ZNF423: variants seen among roughly 807,000 people sequenced by gnomAD.
The protein encoded by ZNF423 is zinc finger protein 423.
ZNF423 carries 12 observed loss-of-function variants against 95.8 expected under a neutral mutation model. That is an observed-to-expected ratio of 0.13 (90% confidence interval 0.08 to 0.20). ZNF423 has a LOEUF of 0.20. Among genes scored for constraint, ZNF423 ranks in the 10% least tolerant of loss-of-function variants. ZNF423 has a pLI of 1.00. For synonymous variants in ZNF423, 749 were observed against 711.9 expected, an observed-to-expected ratio of 1.05 and a Z score of -0.83; for missense variants, 1,316 against 1,737.1, an observed-to-expected ratio of 0.76 and a Z score of 4.31.
At position 49,677,893 on chromosome 16, in the gene ZNF423, C is replaced by T. The variant is rs544701583; in HGVS notation, c.302-39019G>A. Among the ~76,000 whole-genome samples the T allele has an allele frequency of 3.9e-5, 6 of 152,140 alleles. No homozygotes were observed. In the East Asian group the frequency reaches 9.7e-4, roughly 25 times the overall value. On this transcript the variant is annotated intron_variant, in intron 3 of 7. Coordinates refer to ENST00000563137, the MANE Select transcript of ZNF423 (RefSeq NM_001379286.1). Reference sequence around the variant, plus strand: ...TGTTAAGAATGAAATGAAAATATGACATTTTTTGGCCAGGCGCAGTGGCTC... The same window carrying T: ...TGTTAAGAATGAAATGAAAATATGATATTTTTTGGCCAGGCGCAGTGGCTC...
intron 2 of ZNF423, among the ~76,000 whole-genome samples, chr16:49,750,648 G>A (rs2033617355): frequency 6.6e-6 from 1 of 152,262 alleles, no homozygotes; most frequent in Non-Finnish European, 1.5e-5. Context: ...GCAAAACCGG[G>A]AATGAGGTGG....
At chr16:49,845,960 G>T (rs961674912) in intron 1 of ZNF423, among the ~76,000 whole-genome samples, 1 of 152,100 alleles carries the variant, frequency 6.6e-6, no homozygotes, top group Non-Finnish European at 1.5e-5. Context: ...GAGGGACTGG[G>T]GATTTGAGCT....
At chr16:49,530,015 C>T (rs1483867191) in intron 5 of ZNF423, among the ~76,000 whole-genome samples, 3 of 152,128 alleles carry the variant, frequency 2.0e-5, no homozygotes, top group Non-Finnish European at 4.4e-5. Flanking sequence ...TAGCCACCTA[C>T]ATCCAGGATG....
At chr16:49,554,608 T>C (rs1969759605) in intron 5 of ZNF423, among the ~76,000 whole-genome samples, 1 of 151,950 alleles carries the variant, frequency 6.6e-6, no homozygotes, top group Non-Finnish European at 1.5e-5. Flanking sequence ...ATTACATTAA[T>C]AGGCCCCTAT....
intron 5 of ZNF423, among the ~76,000 whole-genome samples, chr16:49,619,841 T>C (rs1414409680): frequency 6.6e-6 from 1 of 152,288 alleles, no homozygotes; most frequent in African/African-American, 2.4e-5. Flanking sequence ...TCTTTTCATG[T>C]TCATGAGATT....
chr16:49,497,692 C>T (rs1469761192), intron 7 of ZNF423, among the ~76,000 whole-genome samples: 1 of 152,220 alleles, frequency 6.6e-6, no homozygotes, highest in Non-Finnish European at 1.5e-5. Context: ...GTGGCTCTCA[C>T]AAGGCTGGCT....
At chr16:49,592,596 G>A (rs538806577) in intron 5 of ZNF423, among the ~76,000 whole-genome samples, 3 of 152,352 alleles carry the variant, frequency 2.0e-5, no homozygotes, top group South Asian at 2.1e-4. Flanking sequence ...GAACCAAAAC[G>A]TGAATAAGAC....
intron 1 of ZNF423, among the ~76,000 whole-genome samples, chr16:49,812,396 A>G (rs940785823): frequency 6.6e-6 from 1 of 152,178 alleles, no homozygotes; most frequent in Non-Finnish European, 1.5e-5. Context: ...GCTACTGATA[A>G]AGGCTGGGAT....
chr16:49,642,773 G>A (rs1364686743), intron 3 of ZNF423, among the ~76,000 whole-genome samples: 1 of 151,840 alleles, frequency 6.6e-6, no homozygotes, highest in Non-Finnish European at 1.5e-5. Flanking sequence ...ATCTACAGGG[G>A]CGTCAGCAGA....
At chr16:49,774,322 G>A (rs896542648) in intron 2 of ZNF423, among the ~76,000 whole-genome samples, 1 of 152,104 alleles carries the variant, frequency 6.6e-6, no homozygotes, top group Non-Finnish European at 1.5e-5. Flanking sequence ...GCTCACCATG[G>A]AAACTCCACA....
chr16:49,660,849 G>A (rs905924804), intron 3 of ZNF423, among the ~76,000 whole-genome samples: 1 of 151,932 alleles, frequency 6.6e-6, no homozygotes, highest in African/African-American at 2.4e-5. Context: ...GATGGGGGGG[G>A]AGCTTACTTA....
intron 1 of ZNF423, among the ~76,000 whole-genome samples, chr16:49,799,036 G>A (rs1330833799): frequency 6.6e-6 from 1 of 152,184 alleles, no homozygotes; most frequent in East Asian, 1.9e-4. Context: ...GTAGAGGAGG[G>A]AACCTGGAGA....
chr16:49,595,911 T>C (rs1477905111), intron 5 of ZNF423, among the ~76,000 whole-genome samples: 2 of 152,226 alleles, frequency 1.3e-5, no homozygotes, highest in Admixed American at 6.5e-5. Flanking sequence ...CTATTTTACA[T>C]TAGCGCTCAA....
chr16:49,513,079 C>A (rs762619976), intron 7 of ZNF423, among the ~76,000 whole-genome samples: 1 of 152,132 alleles, frequency 6.6e-6, no homozygotes, highest in African/African-American at 2.4e-5. Context: ...GACTGGGTGA[C>A]CGAGTGAGAC....
chr16:49,666,632 C>A (rs559243302), intron 3 of ZNF423, among the ~76,000 whole-genome samples: 1 of 152,288 alleles, frequency 6.6e-6, no homozygotes, highest in African/African-American at 2.4e-5. Flanking sequence ...TTATATACAC[C>A]ACACACAAGT....
rs544118902 is a variant in ZNF423 at position 49,671,367 on chromosome 16, T to C, written c.302-32493A>G. Among the ~76,000 whole-genome samples the C allele has an allele frequency of 9.8e-5, 15 of 152,338 alleles. No individual in the cohort carries two copies. In the South Asian group the frequency reaches 3.1e-3, roughly 32 times the overall value. ...CAGACAAACCATAGGCCCTGGGTCC[T>C]GTAGCCCACCCTAGGACCAAGCCCG... On this transcript the variant is annotated intron_variant, in intron 3 of 7. Coordinates refer to ENST00000563137, the MANE Select transcript of ZNF423 (RefSeq NM_001379286.1).
chr16:49,683,173 A>G (rs1312113699), intron 3 of ZNF423, among the ~76,000 whole-genome samples: 1 of 152,046 alleles, frequency 6.6e-6, no homozygotes, highest in East Asian at 1.9e-4. Context: ...CTATTCACTC[A>G]ACAAATACTC....
chr16:49,746,059 G>A (rs1435666279), intron 2 of ZNF423, among the ~76,000 whole-genome samples: 1 of 152,108 alleles, frequency 6.6e-6, no homozygotes, highest in African/African-American at 2.4e-5. Flanking sequence ...CCTAACTCTT[G>A]GCATGACCTC....
chr16:49,724,482 C>A (rs1023500359), intron 3 of ZNF423, among the ~76,000 whole-genome samples: 4 of 152,240 alleles, frequency 2.6e-5, no homozygotes, highest in Non-Finnish European at 4.4e-5. Context: ...GTGTCTGGCA[C>A]TGGCCCCAGC....
Sources: gnomAD v4.1 joint callset for allele counts (sites outside exome capture counted in the v4.1 genomes callset) on GRCh38, gnomAD v4.1.1 for gene constraint, MANE v1.5 for transcripts, NCBI Gene and HGNC (gene_info 2026-07-23, HGNC 2026-07-21) for gene names.